Variants in SMG6 observed in about 807,000 individuals in gnomAD.
SMG6 encodes telomerase-binding protein EST1A.
A neutral mutation model predicts 142.2 loss-of-function variants in SMG6; 66 were observed. The observed-to-expected ratio is 0.46, with a 90% CI of 0.38 to 0.57. The LOEUF (loss-of-function observed/expected upper bound fraction) is 0.57, where lower values mean the gene tolerates loss of function less well. Ranked by LOEUF, SMG6 falls within the 20% of genes least tolerant of loss-of-function variation. The probability of loss-of-function intolerance (pLI) is 0.00; values close to 1 mark genes in which losing one functional copy is unlikely to be tolerated. For missense variants in SMG6, 1,793 were observed against 1,832.0 expected (o/e 0.98, Z 0.39); for synonymous variants, 779 against 702.4 (o/e 1.11, Z -1.72).
At chr17:2,251,268 T>G (rs1326408998) in intron 8 of SMG6, among the ~76,000 whole-genome samples, 2 of 136,512 alleles carry the variant, frequency 1.5e-5, no homozygotes, top group Admixed American at 7.4e-5. Context: ...ATATACAGAT[T>G]AAAAAAAAAA....
At chr17:2,160,173 T>C (rs1165373379) in intron 13 of SMG6, among the ~76,000 whole-genome samples, 2 of 152,164 alleles carry the variant, frequency 1.3e-5, no homozygotes, top group Non-Finnish European at 2.9e-5. Flanking sequence ...TATGTAAATA[T>C]ATATTAGTAA....
intron 15 of SMG6, among the ~76,000 whole-genome samples, chr17:2,075,871 G>A (rs973698233): frequency 3.9e-5 from 6 of 152,196 alleles, no homozygotes; most frequent in African/African-American, 1.4e-4. Context: ...CTGCCTGGGC[G>A]CTGCAGCTCC....
At chr17:2,096,906 T>C (rs1239171249) in intron 13 of SMG6, among the ~76,000 whole-genome samples, 1 of 152,208 alleles carries the variant, frequency 6.6e-6, no homozygotes, top group Non-Finnish European at 1.5e-5. Flanking sequence ...CTACACTTCA[T>C]TCATCTTCTC....
At chr17:2,297,754 T>C in intron 3 of SMG6, 109 bp downstream of exon 3, 1 of 1,324,378 alleles carries the variant, frequency 7.6e-7, no homozygotes, top group South Asian at 1.3e-5. Context: ...AAAGGGCAGT[T>C]TTTTTGTCGA....
chr17:2,289,133 G>T (rs2074975268), intron 6 of SMG6, among the ~76,000 whole-genome samples: 1 of 150,998 alleles, frequency 6.6e-6, no homozygotes. Flanking sequence ...ACCTGTAGTT[G>T]CATCTATTTG....
At chr17:2,081,197 G>A (rs983567324) in intron 15 of SMG6, among the ~76,000 whole-genome samples, 1 of 152,166 alleles carries the variant, frequency 6.6e-6, no homozygotes, top group Admixed American at 6.5e-5. Context: ...GAGCCCTAGA[G>A]GACAGCAAAC....
chr17:2,285,182 A>G (rs1053556914), intron 6 of SMG6, among the ~76,000 whole-genome samples: 2 of 152,206 alleles, frequency 1.3e-5, no homozygotes, highest in African/African-American at 2.4e-5. Context: ...AAGCAAGTCA[A>G]TATTTTATCA....
At chr17:2,290,191 G>A (rs2075000553) in intron 6 of SMG6, among the ~76,000 whole-genome samples, 1 of 152,030 alleles carries the variant, frequency 6.6e-6, no homozygotes, top group Non-Finnish European at 1.5e-5. Context: ...AAAAACAAAG[G>A]TGGAAGACTG....
Position 2,243,840 on chromosome 17 carries a change from T to G in SMG6, c.2723+818A>C, listed in dbSNP as rs187648986. ...CAACTCAGAAAATATTAGAATCCAG[T>G]AGAAAACTGGTCTAGTGGAAGACTG... On this transcript the variant is annotated intron_variant, in intron 9 of 18. Transcript: ENST00000263073. Among the ~76,000 whole-genome samples, 169 of 152,272 alleles carry G rather than the reference T, an allele frequency of 1.1e-3. 1 individual carries two copies. The highest frequency in any genetic ancestry group is 4.0e-3 in the African/African-American group (166 of 41,568).
rs1316278290 is a variant in SMG6 at position 2,071,446 on chromosome 17, C to T, written c.3682-2515G>A. Among the ~76,000 whole-genome samples the T allele has an allele frequency of 4.6e-5, 7 of 152,308 alleles. No homozygotes were observed. Among genetic ancestry groups the T allele is most frequent in the East Asian group, 3.9e-4 (2 of 5,184 alleles). ...AAAATCTAGAAGCGAGGTCCAGAGA[C>T]GCTCTAAATTCCCCGGGTTCTTAGC... On this transcript the variant is annotated intron_variant, in intron 15 of 18. Transcript: ENST00000263073. This position sits in a 1 kb window ranked among gnomAD's most constrained non-coding sequence, Gnocchi z 5.6.
intron 13 of SMG6, among the ~76,000 whole-genome samples, chr17:2,104,120 T>G (rs888268990): frequency 1.3e-5 from 2 of 151,620 alleles, no homozygotes; most frequent in Non-Finnish European, 2.9e-5. Flanking sequence ...CCCGGCTAAT[T>G]TTTTGTATTT....
At chr17:2,216,163 C>T (rs1002462233) in intron 10 of SMG6, 3 of 152,084 alleles carry the variant, frequency 2.0e-5, no homozygotes, top group Non-Finnish European at 4.4e-5. Flanking sequence ...TCAGGGATCT[C>T]GGGCAAGGTG....
At chr17:2,292,215 T>TCTA (rs1201713409) in intron 6 of SMG6, among the ~76,000 whole-genome samples, 8 of 152,196 alleles carry the variant, frequency 5.3e-5, no homozygotes, top group African/African-American at 1.9e-4. Flanking sequence ...TCGTCTAGAA[T>TCTA]GAGTTGCCTA....
At chr17:2,175,159 A>C (rs1168149320) in intron 12 of SMG6, among the ~76,000 whole-genome samples, 2 of 152,152 alleles carry the variant, frequency 1.3e-5, no homozygotes, top group Non-Finnish European at 2.9e-5. Context: ...CTGATCCCAC[A>C]GCACTGGTGA....
rs113114593 is a variant in SMG6, at chr17:2,205,102, T to C, written c.2870-16587A>G. 1.4e-3 allele frequency among the ~76,000 whole-genome samples: 217 copies of C among 152,254 alleles called. 1 individual carries two copies. Among genetic ancestry groups the C allele is most frequent in the African/African-American group, 4.8e-3 (199 of 41,544 alleles). ...TTTTTTTTCTGAGACTGAGTCTCGCTTTGTCACCCAGGCTGGAGTGCAATG... is the reference window on the plus strand; with the variant it reads ...TTTTTTTTCTGAGACTGAGTCTCGCCTTGTCACCCAGGCTGGAGTGCAATG... On this transcript the variant is annotated intron_variant, in intron 10 of 18. Transcript: ENST00000263073.
chr17:2,280,466 T>C (rs1305520531), intron 8 of SMG6: 1 of 324,356 alleles, frequency 3.1e-6, no homozygotes, highest in Non-Finnish European at 4.4e-6. Flanking sequence ...GGTTTCACCA[T>C]GTTGGCCAGG....
At chr17:2,156,443 A>G (rs866476593) in intron 13 of SMG6, among the ~76,000 whole-genome samples, 1 of 145,802 alleles carries the variant, frequency 6.9e-6, no homozygotes, top group South Asian at 2.3e-4. Context: ...CTCAAACTAC[A>G]GGTCCTTCTA....
intron 15 of SMG6, among the ~76,000 whole-genome samples, chr17:2,078,409 C>T (rs555538202): frequency 1.4e-4 from 21 of 149,348 alleles, no homozygotes; most frequent in African/African-American, 4.5e-4. Context: ...GACAGAGTCT[C>T]GCCCAGGGCT....
At chr17:2,127,702 C>A in intron 13 of SMG6, 1 of 566,280 alleles carries the variant, frequency 1.8e-6, no homozygotes, top group South Asian at 1.4e-5. Context: ...AGTATCTGTT[C>A]GGACTTTAAT....
Sources: gnomAD v4.1 joint callset for allele counts (sites outside exome capture counted in the v4.1 genomes callset) on GRCh38, gnomAD v4.1.1 for gene constraint, Gnocchi (gnomAD v3.1) non-coding constraint, MANE v1.5 for transcripts, NCBI Gene and HGNC (gene_info 2026-07-23, HGNC 2026-07-21) for gene names.